Variants in VPS13B observed in about 807,000 individuals in gnomAD.
VPS13B encodes the protein vacuolar protein sorting 13 homolog B.
In VPS13B, 285 loss-of-function variants were observed where a neutral mutation model predicts 426.4. That is an observed-to-expected ratio of 0.67 (90% confidence interval 0.61 to 0.74). The LOEUF (loss-of-function observed/expected upper bound fraction) is 0.74, where lower values mean the gene tolerates loss of function less well. Ranked by LOEUF, VPS13B falls within the 30% of genes least tolerant of loss-of-function variation. VPS13B has a pLI of 0.00. For synonymous variants in VPS13B, 1,676 were observed against 1,676.4 expected (o/e 1.00, Z 0.01); for missense variants, 4,537 against 4,782.6 (o/e 0.95, Z 1.51).
rs1814190783 is a variant in VPS13B, at chr8:99,818,696, T to C, written c.8446-17T>C. On this transcript the variant is annotated splice_polypyrimidine_tract_variant and intron_variant, in intron 46 of 61. Transcript: ENST00000357162. ...CAAAGCAAATATGAAAGTTGTTCTA[T>C]CCTTTTATTTTTATAGATTGTGTTC... 1.2e-6 allele frequency: 2 copies of C among 1,613,306 alleles called. No individual in the cohort carries two copies. The highest frequency in any genetic ancestry group is 1.1e-5 in the South Asian group (1 of 91,082).
chr8:99,874,610 C>A (rs1397377429), intron 61 of VPS13B, among the ~76,000 whole-genome samples: 1 of 135,132 alleles, frequency 7.4e-6, no homozygotes, highest in African/African-American at 2.8e-5. Context: ...CAGTGGCTTA[C>A]AATTGCAAAC....
chr8:99,133,214 C>T (rs1475707633), intron 8 of VPS13B, among the ~76,000 whole-genome samples: 5 of 152,202 alleles, frequency 3.3e-5, no homozygotes, highest in Admixed American at 2.6e-4. Context: ...TCAACCCTTG[C>T]GCTTTTATGG....
At chr8:99,684,981 T>A (rs2130016878) in intron 35 of VPS13B, among the ~76,000 whole-genome samples, 1 of 152,290 alleles carries the variant, frequency 6.6e-6, no homozygotes, top group Non-Finnish European at 1.5e-5. Context: ...TTTTGTATTT[T>A]TAGTAGAGAT....
chr8:99,685,295 A>G (rs921666639), intron 35 of VPS13B, among the ~76,000 whole-genome samples: 2 of 152,268 alleles, frequency 1.3e-5, no homozygotes, highest in African/African-American at 4.8e-5. Context: ...AAATGTAGCA[A>G]CACAAATTTA....
chr8:99,248,936 G>A (rs1436068531), intron 17 of VPS13B, among the ~76,000 whole-genome samples: 3 of 151,920 alleles, frequency 2.0e-5, no homozygotes, highest in Admixed American at 6.6e-5. Flanking sequence ...ATGATTCAGT[G>A]GCATTTAGTG....
chr8:99,216,905 C>T (rs183550710), intron 17 of VPS13B, among the ~76,000 whole-genome samples: 7 of 151,974 alleles, frequency 4.6e-5, no homozygotes, highest in Admixed American at 1.3e-4. Flanking sequence ...AGTACTTGCT[C>T]GGAAAGTGAG....
At chr8:99,291,327 GTAA>G (rs1563650212) in intron 19 of VPS13B, among the ~76,000 whole-genome samples, 1 of 152,056 alleles carries the variant, frequency 6.6e-6, no homozygotes, top group East Asian at 1.9e-4. Flanking sequence ...AGCAATAGAT[GTAA>G]TAATACTAAT....
intron 23 of VPS13B, among the ~76,000 whole-genome samples, chr8:99,451,309 A>G (rs1293839654): frequency 1.3e-5 from 2 of 151,632 alleles, no homozygotes; most frequent in African/African-American, 2.4e-5. Flanking sequence ...GTATTTCTTT[A>G]TTTTCCTAAA....
At chr8:99,116,092 A>G (rs1847640506) in intron 7 of VPS13B, among the ~76,000 whole-genome samples, 1 of 152,090 alleles carries the variant, frequency 6.6e-6, no homozygotes, top group Admixed American at 6.5e-5. Context: ...CTGTGGTGCA[A>G]TCATGGCTCA....
intron 35 of VPS13B, among the ~76,000 whole-genome samples, chr8:99,689,643 T>A (rs1831565986): frequency 6.6e-6 from 1 of 152,096 alleles, no homozygotes; most frequent in African/African-American, 2.4e-5. Context: ...CATAATGGGA[T>A]CCAATCTATT....
chr8:99,115,334 C>G (rs1847599558), intron 6 of VPS13B, among the ~76,000 whole-genome samples: 2 of 151,850 alleles, frequency 1.3e-5, no homozygotes, highest in Non-Finnish European at 2.9e-5. Context: ...ACAGATTGTT[C>G]TGTTTTTTGA....
chr8:99,495,522 A>G (rs1402063595), intron 25 of VPS13B, among the ~76,000 whole-genome samples: 1 of 152,274 alleles, frequency 6.6e-6, no homozygotes, highest in East Asian at 1.9e-4. Context: ...ATTCTCATCA[A>G]TGGAACTTCT....
chr8:99,224,013 A>T (rs1815877808), intron 17 of VPS13B, among the ~76,000 whole-genome samples: 1 of 152,192 alleles, frequency 6.6e-6, no homozygotes, highest in South Asian at 2.1e-4. Context: ...AGGATTTAAC[A>T]TCCTAACAAA....
chr8:99,529,525 G>A (rs1265955530), intron 30 of VPS13B, among the ~76,000 whole-genome samples: 1 of 151,972 alleles, frequency 6.6e-6, no homozygotes, highest in Non-Finnish European at 1.5e-5. Flanking sequence ...ATACTATATT[G>A]TGACTGAGAC....
At chr8:99,460,897 G>C (rs990946414) in intron 23 of VPS13B, among the ~76,000 whole-genome samples, 1 of 152,178 alleles carries the variant, frequency 6.6e-6, no homozygotes, top group East Asian at 1.9e-4. Context: ...GGTAGAGATA[G>C]AAATGACTTC....
intron 19 of VPS13B, among the ~76,000 whole-genome samples, chr8:99,277,428 C>G (rs1379487658): frequency 6.6e-6 from 1 of 151,648 alleles, no homozygotes; most frequent in African/African-American, 2.4e-5. Flanking sequence ...ATTTTTATGC[C>G]AGTTTTAAAA....
intron 17 of VPS13B, among the ~76,000 whole-genome samples, chr8:99,214,042 A>C (rs1432776953): frequency 6.6e-6 from 1 of 152,074 alleles, no homozygotes; most frequent in African/African-American, 2.4e-5. Context: ...ATTATTCATT[A>C]TATTATATTT....
intron 39 of VPS13B, 118 bp downstream of exon 39, chr8:99,721,165 A>G (rs1833113534): frequency 8.4e-6 from 9 of 1,068,354 alleles, no homozygotes; most frequent in Admixed American, 7.0e-5. Context: ...AGAGAAATAC[A>G]CATCTGTGTG....
At chr8:99,214,136 A>G (rs1815263667) in intron 17 of VPS13B, among the ~76,000 whole-genome samples, 1 of 152,088 alleles carries the variant, frequency 6.6e-6, no homozygotes, top group Non-Finnish European at 1.5e-5. Context: ...CTTCTATCCA[A>G]TTCTTGAGAT....
Sources: allele counts gnomAD v4.1 joint callset (sites outside exome capture counted in the v4.1 genomes callset), GRCh38; gene constraint gnomAD v4.1.1; transcripts MANE v1.5; gene names NCBI Gene and HGNC (gene_info 2026-07-23, HGNC 2026-07-21).